ARHGEF7: variants seen among roughly 807,000 people sequenced by gnomAD.
The protein encoded by ARHGEF7 is Rho guanine nucleotide exchange factor 7, also known as PAK-interacting exchange factor beta.
In ARHGEF7, 33 loss-of-function variants were observed where a neutral mutation model predicts 109.8. The ratio of observed to expected loss-of-function variants is 0.30; its 90% CI spans 0.23 to 0.40. The LOEUF (loss-of-function observed/expected upper bound fraction) is 0.40. Among genes scored for constraint, ARHGEF7 ranks in the 10% least tolerant of loss-of-function variants. The pLI, the probability that ARHGEF7 is intolerant of heterozygous loss-of-function variation, is 1.00. For missense variants in ARHGEF7, 938 were observed against 1,098.5 expected (o/e 0.85, Z 2.07); for synonymous variants, 458 against 424.6 (o/e 1.08, Z -0.97).
chr13:111,201,902 T>G (rs2081255082), intron 2 of ARHGEF7, among the ~76,000 whole-genome samples: 1 of 152,236 alleles, frequency 6.6e-6, no homozygotes, highest in African/African-American at 2.4e-5. Flanking sequence ...TATTTTTCTA[T>G]CCTTGTTTGA....
chr13:111,262,733 A>G (rs1486056187), intron 8 of ARHGEF7, among the ~76,000 whole-genome samples: 1 of 152,090 alleles, frequency 6.6e-6, no homozygotes, highest in Admixed American at 6.6e-5. Context: ...CTGGGTAAGG[A>G]AAAAAAACCC....
chr13:111,166,351 A>G (rs2077126584), intron 2 of ARHGEF7, among the ~76,000 whole-genome samples: 1 of 152,052 alleles, frequency 6.6e-6, no homozygotes, highest in Non-Finnish European at 1.5e-5. Flanking sequence ...TTTTCCTCCA[A>G]GTGATATGGA....
chr13:111,145,084 C>T lies in ARHGEF7; in HGVS notation c.166-8821C>T, dbSNP rs882700. 0.12 allele frequency among the ~76,000 whole-genome samples: 18,925 copies of T among 151,838 alleles called. 1,341 individuals are homozygous for T. The highest frequency in any genetic ancestry group is 0.14 in the African/African-American group (5,822 of 41,352). On this transcript the variant is annotated intron_variant, in intron 1 of 21. Transcript: ENST00000646102. The surrounding 1 kb of genome is among the most constrained non-coding windows in gnomAD (Gnocchi z 4.3). ...TAGATATTATCCACGGTGTTCCCCA[C>T]GTTCCCTACCACACCAAACATAACT...
intron 15 of ARHGEF7, chr13:111,281,194 T>G (rs892734866): frequency 3.5e-5 from 5 of 144,046 alleles, no homozygotes; most frequent in Non-Finnish European, 6.0e-5. Flanking sequence ...TTTTTTTTTT[T>G]TTTTTTTTTT....
At chr13:111,248,636 G>A (rs114651642) in intron 8 of ARHGEF7, among the ~76,000 whole-genome samples, 128 of 152,092 alleles carry the variant, frequency 8.4e-4, no homozygotes, top group African/African-American at 2.9e-3. Context: ...TCTCTTGTTC[G>A]TCCCCGTGCA....
At chr13:111,265,501 AG>A (rs1567008377) in intron 8 of ARHGEF7, 1 of 453,020 alleles carries the variant, frequency 2.2e-6, no homozygotes, top group East Asian at 7.0e-5. Flanking sequence ...TTAGCCGCGG[AG>A]CGGAAAGCAG....
intron 11 of ARHGEF7, 35 bp downstream of exon 11, chr13:111,274,825 CATT>C (rs1322070313): frequency 7.7e-7 from 1 of 1,298,696 alleles, no homozygotes; most frequent in Admixed American, 2.8e-5. Context: ...CCCCCCCAGA[CATT>C]ATTGTGACAA....
rs2153611672 is a variant in ARHGEF7, at chr13:111,283,236, A to C, written c.1823A>C (p.His608Pro). ...CACACGCTGCCCCACCCCTCCCACC[A>C]CGGCACCCCGCACACCACCATCAAC... ...AYHTLPHPSH[H>P]GTPHTTINWG... Residue 608 changes from histidine to proline, a missense_variant, in exon 16 of 22, where the codon CAC becomes CCC. His to Pro is a moderately conservative substitution (Grantham distance 77). Coordinates refer to ENST00000646102, the MANE Select transcript of ARHGEF7 (RefSeq NM_001354046.2). 6.3e-7 allele frequency: 1 copy of C among 1,586,854 alleles called. No individual in the cohort carries two copies. Among genetic ancestry groups the C allele is most frequent in the African/African-American group, 1.4e-5 (1 of 73,700 alleles).
At chr13:111,274,861 C>A (rs1321337717) in intron 11 of ARHGEF7, 71 bp downstream of exon 11, 7 of 1,076,454 alleles carry the variant, frequency 6.5e-6, no homozygotes. Context: ...GAATTATCAA[C>A]TGAAAAAGTC....
At position 111,186,603 on chromosome 13, in the gene ARHGEF7, A is replaced by G. The variant is rs558918557; in HGVS notation, c.253-18686A>G. On this transcript the variant is annotated intron_variant, in intron 2 of 21. Transcript: ENST00000646102. ...ACTTAAATAGCACCACTTATTTAAG[A>G]TTCATTTTTTACTCTTGTTCTGAAA... is the stretch of plus-strand genomic sequence containing the variant. Among the ~76,000 whole-genome samples the G allele has an allele frequency of 2.3e-3, 354 of 152,344 alleles. 1 individual carries two copies. The highest frequency in any genetic ancestry group is 6.3e-3 in the African/African-American group (264 of 41,582).
In ARHGEF7 at chr13:111,300,832, C is replaced by T. The variant is rs767667465; in HGVS notation, c.2396C>T (p.Thr799Ile). 3 of 1,600,960 alleles carry T rather than the reference C, an allele frequency of 1.9e-6. No individual in the cohort carries two copies. In the South Asian group the frequency reaches 3.3e-5, roughly 18 times the overall value. ...IVEETKSNGQ[T>I]VIEEKSLVDT... is the part of the protein sequence containing the mutation. Reference sequence around the variant, plus strand: ...GAAGAAACTAAAAGTAATGGTCAGACAGTGATAGAAGAAAAGTAAGATGTC... The same window carrying T: ...GAAGAAACTAAAAGTAATGGTCAGATAGTGATAGAAGAAAAGTAAGATGTC... Residue 799 changes from threonine (T) to isoleucine (I), a missense_variant, in exon 20 of 22, where the codon ACA becomes ATA. By Grantham distance (89) the Thr-to-Ile change is moderately conservative. Transcript: ENST00000646102.
chr13:111,120,884 GC>G (rs1288560988), intron 1 of ARHGEF7, among the ~76,000 whole-genome samples: 1 of 152,344 alleles, frequency 6.6e-6, no homozygotes, highest in African/African-American at 2.4e-5. Context: ...GCACTCGGAG[GC>G]GGAAGATTCC....
chr13:111,262,306 A>G (rs542205709), intron 8 of ARHGEF7, among the ~76,000 whole-genome samples: 1 of 152,230 alleles, frequency 6.6e-6, no homozygotes, highest in Non-Finnish European at 1.5e-5. Context: ...ACTGTGAACA[A>G]CTGTATGCCA....
intron 5 of ARHGEF7, among the ~76,000 whole-genome samples, chr13:111,219,041 C>T (rs776353173): frequency 3.3e-5 from 5 of 152,216 alleles, no homozygotes; most frequent in East Asian, 1.9e-4. Context: ...TAAAGCAGTT[C>T]GCCATTTTTA....
At chr13:111,241,420 A>C in intron 6 of ARHGEF7, 1 of 1,424,934 alleles carries the variant, frequency 7.0e-7, no homozygotes, top group Non-Finnish European at 9.5e-7. Flanking sequence ...AGCTGGAGTC[A>C]GGGAGCCAGG....
chr13:111,156,458 G>A (rs2076344687), intron 2 of ARHGEF7, among the ~76,000 whole-genome samples: 2 of 152,230 alleles, frequency 1.3e-5, no homozygotes, highest in Admixed American at 6.5e-5. Flanking sequence ...AGTCACACTT[G>A]TAATTACCTA....
At chr13:111,286,352 T>G (rs2093017470) in intron 17 of ARHGEF7, 112 bp downstream of exon 17, 3 of 843,642 alleles carry the variant, frequency 3.6e-6, no homozygotes, top group Non-Finnish European at 5.9e-6. Context: ...CAAACAAAAG[T>G]AAGGTCTGCC....
intron 1 of ARHGEF7, among the ~76,000 whole-genome samples, chr13:111,120,484 C>G (rs950876055): frequency 7.3e-5 from 11 of 150,178 alleles, no homozygotes; most frequent in Non-Finnish European, 1.3e-4. Context: ...CACACACACA[C>G]AGACACATGC....
chr13:111,252,660 A>T (rs2089926773), intron 8 of ARHGEF7, among the ~76,000 whole-genome samples: 1 of 152,140 alleles, frequency 6.6e-6, no homozygotes, highest in Non-Finnish European at 1.5e-5. Flanking sequence ...GTACAGACCT[A>T]CTATTTATTG....
Sources: gnomAD v4.1 joint callset for allele counts (sites outside exome capture counted in the v4.1 genomes callset) on GRCh38, gnomAD v4.1.1 for gene constraint, Gnocchi (gnomAD v3.1) non-coding constraint, MANE v1.5 for transcripts, NCBI Gene and HGNC (gene_info 2026-07-23, HGNC 2026-07-21) for gene names.